The following GCNA variants were observed in gnomAD, a reference collection of about 807,000 sequenced individuals.
GCNA encodes germ cell nuclear acidic peptidase.
In GCNA, 3 loss-of-function variants were observed where a neutral mutation model predicts 38.8. The observed-to-expected ratio is 0.08, with a 90% CI of 0.04 to 0.20. GCNA has a LOEUF of 0.20. Ranked by LOEUF, GCNA falls within the 10% of genes least tolerant of loss-of-function variation. The pLI, the probability that GCNA is intolerant of heterozygous loss-of-function variation, is 1.00. For synonymous variants in GCNA, 195 were observed against 240.2 expected, an observed-to-expected ratio of 0.81 and a Z score of 1.74; for missense variants, 446 against 578.6, an observed-to-expected ratio of 0.77 and a Z score of 2.35.
chrX:71,590,737 A>G lies in GCNA; in HGVS notation c.60-1385A>G, dbSNP rs780122279. ...CGCTCTGTGGCCCAGGCTGGAGTGT[A>G]GTGGCGTGGATCTTGGCTCACTGCA... On this transcript the variant is annotated intron_variant, in intron 2 of 12. Coordinates refer to ENST00000373696, the MANE Select transcript of GCNA (RefSeq NM_052957.5). Among the ~76,000 whole-genome samples the G allele has an allele frequency of 2.8e-5, 3 of 108,754 alleles. No individual in the cohort carries two copies. The Admixed American group carries it at 3.0e-4, about 11-fold the overall frequency. 94.4% of individuals were successfully genotyped at this position (108,754 alleles called of 115,157 possible). A position where few individuals can be genotyped will look rare whatever the true frequency, so the allele number is the denominator to read the frequency against.
chrX:71,603,121 T>C, intron 7 of GCNA, among the ~76,000 whole-genome samples: 1 of 112,054 alleles, frequency 8.9e-6, no homozygotes, highest in Non-Finnish European at 1.9e-5. Flanking sequence ...TTCTCTATTC[T>C]ATTCCATTGG....
intron 2 of GCNA, among the ~76,000 whole-genome samples, chrX:71,585,626 A>C (rs1167553670): frequency 1.8e-5 from 2 of 110,836 alleles, no homozygotes; most frequent in East Asian, 5.6e-4. Flanking sequence ...TCTTAGCTCC[A>C]AATTGGAACT....
chrX:71,612,283 GAAAAAAAAAAAAA>G (rs756270122), intron 11 of GCNA, 59 bp from the exon 12 acceptor site: 7 of 294,912 alleles, frequency 2.4e-5, no homozygotes, highest in South Asian at 4.7e-5. Context: ...CTCAAAAAAG[GAAAAAAAAAAAAA>G]AAAAAAAAAA....
At chrX:71,580,499 G>A (rs2040538180) in intron 1 of GCNA, 1 of 153,197 alleles carries the variant, frequency 6.5e-6, no homozygotes, top group Admixed American at 8.8e-5. Context: ...TTTTGAGATG[G>A]AGTCTAGCTC....
chrX:71,578,508 A>C lies in GCNA; in HGVS notation c.-17A>C, dbSNP rs1187149470. On this transcript the variant is annotated 5_prime_UTR_variant, in exon 1 of 13. Coordinates refer to ENST00000373696, the MANE Select transcript of GCNA (RefSeq NM_052957.5). ...GGTGAGCTGCTGCCGGCCACGCCAG[A>C]GGCTGCAACACCAGGTAGGTGACCG... 8.9e-6 allele frequency: 1 copy of C among 112,785 alleles called. No homozygotes were observed. Among genetic ancestry groups the C allele is most frequent in the Non-Finnish European group, 1.9e-5 (1 of 53,354 alleles). The allele number at this position is 112,785 out of a possible 1,213,427, so 9.3% of individuals were successfully genotyped here.
chrX:71,606,368 A>T (rs1237817793), intron 9 of GCNA, among the ~76,000 whole-genome samples: 1 of 112,492 alleles, frequency 8.9e-6, no homozygotes, highest in African/African-American at 3.2e-5. Context: ...ACTGAAAACA[A>T]CCACTGATCC....
At chrX:71,598,082 G>T in intron 7 of GCNA, 44 bp downstream of exon 7, 1 of 995,891 alleles carries the variant, frequency 1.0e-6, no homozygotes, top group Non-Finnish European at 1.4e-6. Context: ...GAGCTCCAAA[G>T]CCTCATCACA....
intron 2 of GCNA, among the ~76,000 whole-genome samples, chrX:71,591,572 A>G (rs761724915): frequency 2.9e-4 from 29 of 100,659 alleles, no homozygotes; most frequent in African/African-American, 9.1e-4. Flanking sequence ...TTTGACTGCA[A>G]TCTCTTCATC....
intron 11 of GCNA, 45 bp from the exon 12 acceptor site, chrX:71,612,310 A>AATT: frequency 2.2e-6 from 1 of 444,886 alleles, no homozygotes; most frequent in Non-Finnish European, 3.7e-6. Context: ...AAAAAAAAAG[A>AATT]GGATTGGTTT....
rs7061462 is a variant in GCNA, at chrX:71,613,272, T to C, written c.*290T>C. The stretch of plus-strand genomic sequence containing the variant: ...TGATTGACCTTAAATAGGGACTCTA[T>C]TGCTAACCATTCTGTGCCCTTGACA... On this transcript the variant is annotated 3_prime_UTR_variant, in exon 13 of 13. Coordinates refer to ENST00000373696, the MANE Select transcript of GCNA (RefSeq NM_052957.5). 6.6e-4 allele frequency: 158 copies of C among 239,535 alleles called. No homozygotes were observed. Among genetic ancestry groups the C allele is most frequent in the Non-Finnish European group, 1.1e-3 (147 of 133,690 alleles). 19.7% of individuals were successfully genotyped at this position (239,535 alleles called of 1,213,427 possible).
chrX:71,599,743 A>G (rs2040698941), intron 7 of GCNA, among the ~76,000 whole-genome samples: 1 of 112,178 alleles, frequency 8.9e-6, no homozygotes, highest in Admixed American at 9.4e-5. Context: ...AACCTTTGTC[A>G]CTGTACATAG....
intron 11 of GCNA, 105 bp from the exon 12 acceptor site, chrX:71,612,250 C>A: frequency 1.5e-6 from 1 of 675,272 alleles, no homozygotes; most frequent in Non-Finnish European, 2.1e-6. Context: ...TACACTCCAG[C>A]CTGGGCGACA....
chrX:71,581,613 A>C (rs762271236), intron 2 of GCNA, among the ~76,000 whole-genome samples: 7 of 112,524 alleles, frequency 6.2e-5, no homozygotes, highest in Non-Finnish European at 1.3e-4. Flanking sequence ...AATATGGATT[A>C]GTCAACAAAC....
intron 6 of GCNA, among the ~76,000 whole-genome samples, chrX:71,595,245 G>A (rs1196681528): frequency 9.0e-6 from 1 of 111,386 alleles, no homozygotes; most frequent in African/African-American, 3.3e-5. Context: ...ACTGGCACAC[G>A]CCACCATGCC....
intron 9 of GCNA, among the ~76,000 whole-genome samples, chrX:71,608,609 C>G (rs1381292978): frequency 8.9e-6 from 1 of 112,652 alleles, no homozygotes; most frequent in Non-Finnish European, 1.9e-5. Flanking sequence ...GGTTTTTCAG[C>G]CAATTGTAAC....
chrX:71,600,510 C>G (rs941002052), intron 7 of GCNA, among the ~76,000 whole-genome samples: 1 of 111,344 alleles, frequency 9.0e-6, no homozygotes, highest in Non-Finnish European at 1.9e-5. Flanking sequence ...TGAAAATATA[C>G]AAGTCTGCAG....
intron 10 of GCNA, among the ~76,000 whole-genome samples, chrX:71,610,372 G>C (rs2040800785): frequency 8.9e-6 from 1 of 112,106 alleles, no homozygotes; most frequent in South Asian, 3.7e-4. Context: ...CCAGCACTTT[G>C]GGAGACCAAG....
chrX:71,597,898 A>C, intron 6 of GCNA, 52 bp from the exon 7 acceptor site: 4 of 967,594 alleles, frequency 4.1e-6, no homozygotes, highest in Non-Finnish European at 5.8e-6. Context: ...ATGAAAAAGA[A>C]GACTGTTGCG....
At chrX:71,582,266 T>G (rs1451644552) in intron 2 of GCNA, among the ~76,000 whole-genome samples, 1 of 82,438 alleles carries the variant, frequency 1.2e-5, no homozygotes, top group African/African-American at 5.1e-5. Context: ...CGAGACCCTC[T>G]CTCCAAAAAA....
Sources: gnomAD v4.1 joint callset for allele counts (sites outside exome capture counted in the v4.1 genomes callset) on GRCh38, gnomAD v4.1.1 for gene constraint, MANE v1.5 for transcripts, NCBI Gene and HGNC (gene_info 2026-07-23, HGNC 2026-07-21) for gene names.